The following CNTN4 variants were observed in gnomAD, a reference collection of about 807,000 sequenced individuals.
CNTN4 encodes the protein contactin-4.
CNTN4 carries 77 observed loss-of-function variants against 122.5 expected under a neutral mutation model. The ratio of observed to expected loss-of-function variants is 0.63; its 90% CI spans 0.52 to 0.76. The LOEUF (loss-of-function observed/expected upper bound fraction) is 0.76, where lower values mean the gene tolerates loss of function less well. Among genes scored for constraint, CNTN4 ranks in the 30% least tolerant of loss-of-function variants. The pLI, the probability that CNTN4 is intolerant of heterozygous loss-of-function variation, is 0.00. For synonymous variants in CNTN4, 512 were observed against 447.0 expected (o/e 1.15, Z -1.83); for missense variants, 1,256 against 1,259.1 (o/e 1.00, Z 0.04).
chr3:2,729,657 G>A (rs2088526591), intron 4 of CNTN4, among the ~76,000 whole-genome samples: 1 of 151,888 alleles, frequency 6.6e-6, no homozygotes, highest in Non-Finnish European at 1.5e-5. Context: ...GCTCATGCCT[G>A]TAATCCCGGC....
chr3:2,257,081 C>T (rs2040625296), intron 2 of CNTN4, among the ~76,000 whole-genome samples: 2 of 152,104 alleles, frequency 1.3e-5, no homozygotes, highest in South Asian at 4.1e-4. Flanking sequence ...GTATTGGTAC[C>T]AGAACAGATA....
chr3:2,346,059 G>T (rs945396236), intron 3 of CNTN4, among the ~76,000 whole-genome samples: 2 of 152,024 alleles, frequency 1.3e-5, no homozygotes, highest in African/African-American at 4.8e-5. Context: ...TAAGGGAATT[G>T]AATTTTTTTG....
intron 6 of CNTN4, among the ~76,000 whole-genome samples, chr3:2,814,280 A>C (rs942155699): frequency 6.6e-6 from 1 of 152,260 alleles, no homozygotes; most frequent in African/African-American, 2.4e-5. Context: ...TTGAGAAACA[A>C]TGGTGCACGG....
At chr3:2,402,817 C>T (rs187861100) in intron 3 of CNTN4, among the ~76,000 whole-genome samples, 1 of 152,052 alleles carries the variant, frequency 6.6e-6, no homozygotes, top group Non-Finnish European at 1.5e-5. Context: ...ATTTAATATA[C>T]CTAAAGTATA....
At chr3:2,262,053 T>G (rs978492547) in intron 2 of CNTN4, among the ~76,000 whole-genome samples, 15 of 152,198 alleles carry the variant, frequency 9.9e-5, no homozygotes, top group African/African-American at 3.6e-4. Context: ...ATTCAGAGTT[T>G]GCCCTGTTCT....
intron 1 of CNTN4, among the ~76,000 whole-genome samples, chr3:2,100,300 G>C (rs1213991202): frequency 6.6e-6 from 1 of 152,242 alleles, no homozygotes; most frequent in Non-Finnish European, 1.5e-5. Flanking sequence ...TGCATGGGAA[G>C]CTCTTTCAAT....
At chr3:2,316,005 A>G (rs1315319905) in intron 2 of CNTN4, among the ~76,000 whole-genome samples, 1 of 152,014 alleles carries the variant, frequency 6.6e-6, no homozygotes, top group Non-Finnish European at 1.5e-5. Flanking sequence ...AACTTCTGGT[A>G]TTATTTGGTT....
chr3:2,742,547 G>A (rs2089515760), intron 5 of CNTN4, among the ~76,000 whole-genome samples: 1 of 147,082 alleles, frequency 6.8e-6, no homozygotes, highest in Non-Finnish European at 1.5e-5. Flanking sequence ...AAAGAAAGAG[G>A]ATTTTGCTAC....
chr3:2,657,139 C>A (rs2083626548), intron 4 of CNTN4, among the ~76,000 whole-genome samples: 1 of 152,122 alleles, frequency 6.6e-6, no homozygotes, highest in Non-Finnish European at 1.5e-5. Flanking sequence ...AAGTACTTGA[C>A]CGGACAAGCA....
At chr3:2,717,507 C>T (rs934978411) in intron 4 of CNTN4, among the ~76,000 whole-genome samples, 1 of 152,198 alleles carries the variant, frequency 6.6e-6, no homozygotes, top group African/African-American at 2.4e-5. Flanking sequence ...CTCCAGTCTT[C>T]ACTCCATGTG....
At chr3:2,384,018 T>A (rs1559505276) in intron 3 of CNTN4, among the ~76,000 whole-genome samples, 1 of 152,136 alleles carries the variant, frequency 6.6e-6, no homozygotes, top group Non-Finnish European at 1.5e-5. Context: ...TGTATTCACA[T>A]CTCTAATTCA....
At chr3:2,336,127 C>A (rs902233491) in intron 2 of CNTN4, among the ~76,000 whole-genome samples, 3 of 152,078 alleles carry the variant, frequency 2.0e-5, no homozygotes, top group African/African-American at 7.2e-5. Flanking sequence ...AGATCCATTA[C>A]GGTCCTGAGA....
chr3:2,729,556 A>AAG (rs2088516353), intron 4 of CNTN4, among the ~76,000 whole-genome samples: 1 of 150,570 alleles, frequency 6.6e-6, no homozygotes, highest in Non-Finnish European at 1.5e-5. Context: ...AAAAAAAAAA[A>AAG]AAAAAAAGAA....
intron 12 of CNTN4, among the ~76,000 whole-genome samples, chr3:2,920,432 A>G (rs1192365572): frequency 6.6e-6 from 1 of 151,586 alleles, no homozygotes; most frequent in Non-Finnish European, 1.5e-5. Context: ...TACACATTAT[A>G]CCAAGTATCA....
chr3:2,892,597 C>T (rs2094055905), intron 10 of CNTN4, among the ~76,000 whole-genome samples: 1 of 152,170 alleles, frequency 6.6e-6, no homozygotes. Flanking sequence ...TCTCTGTAGT[C>T]ACTTCCTTTT....
At chr3:2,832,254 G>A (rs1321229830) in intron 7 of CNTN4, among the ~76,000 whole-genome samples, 2 of 152,190 alleles carry the variant, frequency 1.3e-5, no homozygotes, top group African/African-American at 4.8e-5. Context: ...AGTAAAAATA[G>A]GAGATTTTGG....
At chr3:2,936,719 C>T (rs555700136) in intron 13 of CNTN4, among the ~76,000 whole-genome samples, 2 of 152,288 alleles carry the variant, frequency 1.3e-5, no homozygotes, top group East Asian at 1.9e-4. Flanking sequence ...AAACTAAGTC[C>T]ACAGGCCACA....
chr3:2,692,103 C>G (rs895417552), intron 4 of CNTN4, among the ~76,000 whole-genome samples: 1 of 133,322 alleles, frequency 7.5e-6, no homozygotes, highest in East Asian at 2.3e-4. Flanking sequence ...GATTCTTAAA[C>G]TTAAGTGGCA....
At chr3:2,665,584 G>T (rs915115161) in intron 4 of CNTN4, among the ~76,000 whole-genome samples, 3 of 152,250 alleles carry the variant, frequency 2.0e-5, no homozygotes, top group South Asian at 2.1e-4. Context: ...GGTCACTTGG[G>T]AGAAACCTGG....
Sources: allele counts gnomAD v4.1 joint callset (sites outside exome capture counted in the v4.1 genomes callset), GRCh38; gene constraint gnomAD v4.1.1; transcripts MANE v1.5; gene names NCBI Gene and HGNC (gene_info 2026-07-23, HGNC 2026-07-21).